LRP1B: variants seen among roughly 807,000 people sequenced by gnomAD.
LRP1B encodes low-density lipoprotein receptor-related protein 1B.
LRP1B carries 217 observed loss-of-function variants against 556.6 expected under a neutral mutation model. The ratio of observed to expected loss-of-function variants is 0.39; its 90% CI spans 0.35 to 0.44. The LOEUF (loss-of-function observed/expected upper bound fraction) is 0.44, where lower values mean the gene tolerates loss of function less well. LRP1B is among the 20% of genes least tolerant of loss of function. LRP1B has a pLI of 1.00. For missense variants in LRP1B, 5,053 were observed against 5,620.8 expected, an observed-to-expected ratio of 0.90 and a Z score of 3.23; for synonymous variants, 2,047 against 1,865.8, an observed-to-expected ratio of 1.10 and a Z score of -2.50.
intron 2 of LRP1B, among the ~76,000 whole-genome samples, chr2:141,552,666 T>C (rs552302208): frequency 1.3e-4 from 20 of 152,086 alleles, no homozygotes; most frequent in African/African-American, 4.8e-4. Flanking sequence ...ATTCCCTTTG[T>C]ATTAAAAAAA....
chr2:141,835,885 G>A (rs1289789465), intron 1 of LRP1B, among the ~76,000 whole-genome samples: 1 of 151,726 alleles, frequency 6.6e-6, no homozygotes, highest in Non-Finnish European at 1.5e-5. Flanking sequence ...TGTACATATA[G>A]ATCTAAATGT....
intron 41 of LRP1B, among the ~76,000 whole-genome samples, chr2:140,602,681 T>C (rs1161675765): frequency 1.3e-5 from 2 of 151,938 alleles, no homozygotes; most frequent in East Asian, 3.9e-4. Flanking sequence ...GGGGGATCAA[T>C]AGGATTTTGT....
chr2:141,229,487 T>C (rs1365910130), intron 5 of LRP1B, 47 bp from the exon 6 acceptor site: 5 of 1,363,814 alleles, frequency 3.7e-6, no homozygotes, highest in Non-Finnish European at 3.1e-6. Flanking sequence ...AGAGTCAAGA[T>C]TATTTTACAG....
intron 66 of LRP1B, among the ~76,000 whole-genome samples, chr2:140,397,407 T>C (rs1684302263): frequency 6.6e-6 from 1 of 152,138 alleles, no homozygotes; most frequent in African/African-American, 2.4e-5. Context: ...GTCCATGTGT[T>C]CATTTTACTT....
intron 2 of LRP1B, among the ~76,000 whole-genome samples, chr2:141,728,879 T>C (rs1693153823): frequency 6.6e-6 from 1 of 152,178 alleles, no homozygotes; most frequent in Admixed American, 6.6e-5. Context: ...TTTTCTTGCA[T>C]CTATTCCTTT....
intron 86 of LRP1B, among the ~76,000 whole-genome samples, chr2:140,270,024 G>T (rs192993862): frequency 6.6e-6 from 1 of 151,944 alleles, no homozygotes; most frequent in Non-Finnish European, 1.5e-5. Context: ...GAAATGGTAC[G>T]ATGCTGAGAA....
chr2:140,847,801 A>G (rs1406774934), intron 29 of LRP1B, among the ~76,000 whole-genome samples: 1 of 151,918 alleles, frequency 6.6e-6, no homozygotes, highest in Non-Finnish European at 1.5e-5. Flanking sequence ...AAATGTTCCA[A>G]TATTTTTCAA....
chr2:141,884,478 TTACCAAACGAAATATGTGC>T (rs1406338031), intron 1 of LRP1B, among the ~76,000 whole-genome samples: 1 of 152,158 alleles, frequency 6.6e-6, no homozygotes, highest in Admixed American at 6.5e-5. Context: ...TAGGAAGTAT[TTACCAAACGAAATATGTGC>T]TACAGTGACA....
chr2:140,771,592 C>T (rs201702358), intron 33 of LRP1B, among the ~76,000 whole-genome samples: 2 of 152,158 alleles, frequency 1.3e-5, no homozygotes, highest in East Asian at 3.9e-4. Flanking sequence ...CATATTAATT[C>T]CTCTTCTTTC....
intron 35 of LRP1B, among the ~76,000 whole-genome samples, chr2:140,760,077 T>C (rs1487632453): frequency 6.6e-6 from 1 of 152,118 alleles, no homozygotes; most frequent in African/African-American, 2.4e-5. Flanking sequence ...TCTGGAATGG[T>C]AGCCAGAAGC....
Position 141,290,736 on chromosome 2 carries a change from T to G in LRP1B, c.344-36095A>C, listed in dbSNP as rs183767001. Among the ~76,000 whole-genome samples, 673 of 152,292 alleles carry G rather than the reference T, an allele frequency of 4.4e-3. 7 individuals are homozygous for G. The highest frequency in any genetic ancestry group is 7.3e-3 in the Non-Finnish European group (495 of 67,994). ...AAATTAGAACTAGTTTCCTGGGATT[T>G]ATGAGACATGGAGATTTGTAATTTT... On this transcript the variant is annotated intron_variant, in intron 3 of 90. Transcript: ENST00000389484.
At chr2:141,897,185 T>C (rs1442857777) in intron 1 of LRP1B, among the ~76,000 whole-genome samples, 1 of 152,080 alleles carries the variant, frequency 6.6e-6, no homozygotes, top group African/African-American at 2.4e-5. Context: ...TAAGTAGCTG[T>C]CTATTCTCAC....
chr2:140,571,477 A>G (rs957988333), intron 43 of LRP1B, among the ~76,000 whole-genome samples: 1 of 151,900 alleles, frequency 6.6e-6, no homozygotes, highest in African/African-American at 2.4e-5. Context: ...TTTAACAAGG[A>G]AAACTATAAA....
chr2:140,541,571 T>C (rs552948302), intron 44 of LRP1B, among the ~76,000 whole-genome samples: 165 of 152,240 alleles, frequency 1.1e-3, no homozygotes, highest in African/African-American at 3.3e-3. Flanking sequence ...GCCTTGAATA[T>C]TTCAGATAAT....
chr2:141,047,621 C>A (rs1350832117), intron 11 of LRP1B, among the ~76,000 whole-genome samples: 1 of 152,050 alleles, frequency 6.6e-6, no homozygotes, highest in South Asian at 2.1e-4. Flanking sequence ...AAAAGCATTT[C>A]TTTTTATTCC....
At chr2:140,960,289 A>C (rs1695997070) in intron 18 of LRP1B, among the ~76,000 whole-genome samples, 3 of 151,878 alleles carry the variant, frequency 2.0e-5, no homozygotes, top group African/African-American at 7.2e-5. Flanking sequence ...TGGTTATTAC[A>C]TCAATACTGG....
At position 140,526,288 on chromosome 2, in the gene LRP1B, G is replaced by C. The variant is rs751220065; in HGVS notation, c.7825C>G (p.Arg2609Gly). 1 of 1,611,938 alleles carries C rather than the reference G, an allele frequency of 6.2e-7. No individual in the cohort carries two copies. Among genetic ancestry groups the C allele is most frequent in the Non-Finnish European group, 8.5e-7 (1 of 1,178,596 alleles). ...ADGTCIPRSA[R>G]CNQNIDCADA... ...GCACAATCTATGTTCTGGTTGCATC[G>C]TGCTGATCTTGGAATACAAGTCCCA... Residue 2609 changes from arginine (R) to glycine (G), a missense_variant, in exon 48 of 91, where the codon CGA becomes GGA. Physicochemically the swap from Arg to Gly is moderately radical, Grantham distance 125. Coordinates refer to ENST00000389484, the MANE Select transcript of LRP1B (RefSeq NM_018557.3).
At chr2:141,828,531 A>G (rs1047867928) in intron 1 of LRP1B, among the ~76,000 whole-genome samples, 1 of 152,166 alleles carries the variant, frequency 6.6e-6, no homozygotes, top group African/African-American at 2.4e-5. Flanking sequence ...AATAAGTAAT[A>G]TTCTCAAGCG....
rs139269633 is a variant in LRP1B, at chr2:141,566,834, G to A, written c.206-86301C>T. 3.4e-3 allele frequency among the ~76,000 whole-genome samples: 518 copies of A among 151,872 alleles called. 6 individuals carry two copies. The highest frequency in any genetic ancestry group is 0.023 in the Admixed American group (347 of 15,250). ...TGATCATGCCACTGCACTCCAGCTT[G>A]GACAAGAGACTGAGACTCCCATCTC... On this transcript the variant is annotated intron_variant, in intron 2 of 90. Transcript: ENST00000389484.
Sources: allele counts gnomAD v4.1 joint callset (sites outside exome capture counted in the v4.1 genomes callset), GRCh38; gene constraint gnomAD v4.1.1; transcripts MANE v1.5; gene names NCBI Gene and HGNC (gene_info 2026-07-23, HGNC 2026-07-21).